Variants in UMAD1 observed in about 807,000 individuals in gnomAD.
UMAD1 encodes UBAP1-MVB12-associated (UMA) domain containing 1.
In UMAD1, 8 loss-of-function variants were observed where a neutral mutation model predicts 6.1. That is an observed-to-expected ratio of 1.30 (90% CI 0.76 to 2.35). UMAD1 has a LOEUF of 2.35. UMAD1 is among the 30% of genes most tolerant of loss of function. The pLI is 0.00. For missense variants in UMAD1, 130 were observed against 78.4 expected, an observed-to-expected ratio of 1.66 and a Z score of -2.49; for synonymous variants, 56 against 31.4, an observed-to-expected ratio of 1.78 and a Z score of -2.61.
intron 2 of UMAD1, among the ~76,000 whole-genome samples, chr7:7,730,146 TC>T (rs1373223641): frequency 6.6e-6 from 1 of 152,232 alleles, no homozygotes; most frequent in Non-Finnish European, 1.5e-5. Context: ...ATCTTTGCTT[TC>T]CAGTTATGTG....
intron 2 of UMAD1, among the ~76,000 whole-genome samples, chr7:7,711,814 T>C (rs888530640): frequency 1.3e-5 from 2 of 152,156 alleles, no homozygotes; most frequent in African/African-American, 4.8e-5. Context: ...TTTTAAAATA[T>C]ATAAAACTTT....
intron 3 of UMAD1, among the ~76,000 whole-genome samples, chr7:7,852,955 C>T (rs918627679): frequency 1.3e-5 from 2 of 152,160 alleles, no homozygotes; most frequent in Non-Finnish European, 1.5e-5. Flanking sequence ...GAGGCAGGAC[C>T]CTCTCTGGAA....
chr7:7,738,008 A>C (rs1781393558), intron 2 of UMAD1, among the ~76,000 whole-genome samples: 1 of 152,228 alleles, frequency 6.6e-6, no homozygotes, highest in African/African-American at 2.4e-5. Flanking sequence ...AGACAGCATA[A>C]CCTAGTTTTT....
At chr7:7,813,723 T>G (rs541269452) in intron 3 of UMAD1, among the ~76,000 whole-genome samples, 2 of 152,350 alleles carry the variant, frequency 1.3e-5, no homozygotes, top group East Asian at 3.9e-4. Flanking sequence ...ATGCTGTTTA[T>G]TTGTTCATCG....
intron 2 of UMAD1, among the ~76,000 whole-genome samples, chr7:7,692,697 C>T (rs1780200812): frequency 6.6e-6 from 1 of 152,164 alleles, no homozygotes; most frequent in Admixed American, 6.5e-5. Context: ...GCAACCTCCA[C>T]CTCCTGGGTT....
intron 3 of UMAD1, among the ~76,000 whole-genome samples, chr7:7,839,466 C>T (rs751988638): frequency 7.9e-5 from 12 of 152,188 alleles, no homozygotes; most frequent in African/African-American, 2.2e-4. Context: ...TCTCTTGCCT[C>T]GGCCACCAAA....
At chr7:7,710,427 A>G (rs1351049051) in intron 2 of UMAD1, among the ~76,000 whole-genome samples, 3 of 152,228 alleles carry the variant, frequency 2.0e-5, no homozygotes, top group African/African-American at 7.2e-5. Context: ...GAGACATTTC[A>G]CTGAAGAGGA....
intron 3 of UMAD1, among the ~76,000 whole-genome samples, chr7:7,857,308 A>G (rs772277758): frequency 2.0e-5 from 3 of 152,208 alleles, no homozygotes; most frequent in Non-Finnish European, 2.9e-5. Context: ...AGCCTCTGAT[A>G]TAATCTCTTA....
At chr7:7,819,780 T>A (rs1467737287) in intron 3 of UMAD1, among the ~76,000 whole-genome samples, 5 of 152,234 alleles carry the variant, frequency 3.3e-5, no homozygotes, top group Non-Finnish European at 7.3e-5. Context: ...GGTTAATAAA[T>A]TATTAATACA....
At chr7:7,783,096 GTC>G (rs1212532495) in intron 2 of UMAD1, among the ~76,000 whole-genome samples, 1 of 152,156 alleles carries the variant, frequency 6.6e-6, no homozygotes, top group Non-Finnish European at 1.5e-5. Context: ...GAGATTAACT[GTC>G]TTCTTTTGAG....
chr7:7,711,067 G>A (rs1445700497), intron 2 of UMAD1, among the ~76,000 whole-genome samples: 1 of 152,144 alleles, frequency 6.6e-6, no homozygotes, highest in African/African-American at 2.4e-5. Flanking sequence ...AGTGTGTGTG[G>A]CTATAGAAGG....
chr7:7,689,058 G>T (rs1780108629), intron 2 of UMAD1, among the ~76,000 whole-genome samples: 1 of 152,082 alleles, frequency 6.6e-6, no homozygotes, highest in Non-Finnish European at 1.5e-5. Flanking sequence ...CCCTACCTCT[G>T]CTTGACCATG....
At chr7:7,761,093 G>C (rs1781880057) in intron 2 of UMAD1, among the ~76,000 whole-genome samples, 2 of 152,120 alleles carry the variant, frequency 1.3e-5, no homozygotes, top group Non-Finnish European at 2.9e-5. Flanking sequence ...AGCTGGGCAC[G>C]GTGGCTGACG....
chr7:7,733,354 T>A (rs1487373265), intron 2 of UMAD1, among the ~76,000 whole-genome samples: 1 of 152,026 alleles, frequency 6.6e-6, no homozygotes, highest in Non-Finnish European at 1.5e-5. Context: ...CTGATCTTAT[T>A]TATTGGTTTA....
At chr7:7,844,328 C>T (rs1377576377) in intron 3 of UMAD1, among the ~76,000 whole-genome samples, 2 of 152,090 alleles carry the variant, frequency 1.3e-5, no homozygotes, top group Non-Finnish European at 2.9e-5. Flanking sequence ...AGCCTCTTTG[C>T]CGCAGACTTA....
chr7:7,714,789 G>C (rs1345914497), intron 2 of UMAD1, among the ~76,000 whole-genome samples: 1 of 151,952 alleles, frequency 6.6e-6, no homozygotes, highest in Non-Finnish European at 1.5e-5. Flanking sequence ...AGGATTTAGG[G>C]TGTTGGGCAC....
At chr7:7,836,955 T>TAAA (rs35860331) in intron 3 of UMAD1, among the ~76,000 whole-genome samples, 1 of 145,860 alleles carries the variant, frequency 6.9e-6, no homozygotes. Flanking sequence ...CCAAAACTAT[T>TAAA]AAAAAAAAAA....
intron 2 of UMAD1, among the ~76,000 whole-genome samples, chr7:7,744,109 C>T (rs1781525089): frequency 6.6e-6 from 1 of 152,130 alleles, no homozygotes; most frequent in Non-Finnish European, 1.5e-5. Flanking sequence ...TAACCCTAGT[C>T]ACTCAGGAAT....
At chr7:7,849,183 C>T (rs1216243267) in intron 3 of UMAD1, among the ~76,000 whole-genome samples, 2 of 152,136 alleles carry the variant, frequency 1.3e-5, no homozygotes, top group African/African-American at 2.4e-5. Context: ...CTCATTCAAT[C>T]CTCACATCTT....
Sources: gnomAD v4.1 joint callset for allele counts (sites outside exome capture counted in the v4.1 genomes callset) on GRCh38, gnomAD v4.1.1 for gene constraint, MANE v1.5 for transcripts, NCBI Gene and HGNC (gene_info 2026-07-23, HGNC 2026-07-21) for gene names.